ERBB4: variants seen among roughly 807,000 people sequenced by gnomAD.
ERBB4 encodes the protein receptor tyrosine-protein kinase erbB-4.
Under a neutral mutation model 158.0 loss-of-function variants are expected in ERBB4, and 42 were observed. The ratio of observed to expected loss-of-function variants is 0.27; its 90% CI spans 0.21 to 0.34. The LOEUF is 0.34. Among genes scored for constraint, ERBB4 ranks in the 10% least tolerant of loss-of-function variants. ERBB4 has a pLI of 1.00. For missense variants in ERBB4, 1,333 were observed against 1,624.1 expected (o/e 0.82, Z 3.08); for synonymous variants, 583 against 558.7 (o/e 1.04, Z -0.61).
rs576909919 is a variant in ERBB4, at chr2:212,405,365, G to C, written c.82+133084C>G. On this transcript the variant is annotated intron_variant, in intron 1 of 27. Coordinates refer to ENST00000342788, the MANE Select transcript of ERBB4 (RefSeq NM_005235.3). ...GGCCGGTGAGGTTGCAGAGAAAAGG[G>C]AACACTTATATACCGTTAGCAGGTG... is the stretch of plus-strand genomic sequence containing the variant. Among the ~76,000 whole-genome samples the C allele has an allele frequency of 5.3e-5, 8 of 152,152 alleles. No individual in the cohort carries two copies. The South Asian group carries it at 1.7e-3, about 32-fold the overall frequency.
intron 14 of ERBB4, among the ~76,000 whole-genome samples, chr2:211,666,571 C>T (rs1272904953): frequency 3.3e-5 from 5 of 152,112 alleles, no homozygotes; most frequent in South Asian, 2.1e-4. Context: ...ATGGGTATAT[C>T]GTCAGAGCAA....
At chr2:212,395,652 G>A (rs974037809) in intron 1 of ERBB4, among the ~76,000 whole-genome samples, 8 of 121,646 alleles carry the variant, frequency 6.6e-5, no homozygotes, top group South Asian at 2.6e-4. Context: ...ATGGAGTCTC[G>A]CTCTGTCACC....
intron 3 of ERBB4, among the ~76,000 whole-genome samples, chr2:211,861,107 A>T (rs866143116): frequency 4.7e-5 from 2 of 42,650 alleles, no homozygotes; most frequent in Non-Finnish European, 4.3e-5. Flanking sequence ...TACATTATAT[A>T]TATTTATATA....
chr2:211,941,468 T>A (rs2080494286), intron 3 of ERBB4, among the ~76,000 whole-genome samples: 1 of 152,098 alleles, frequency 6.6e-6, no homozygotes, highest in Admixed American at 6.6e-5. Flanking sequence ...AATGAATATG[T>A]CTCTTGTGTA....
intron 4 of ERBB4, among the ~76,000 whole-genome samples, chr2:211,772,972 T>C (rs1286627450): frequency 7.9e-6 from 1 of 126,536 alleles, no homozygotes; most frequent in African/African-American, 3.0e-5. Flanking sequence ...TTTTTAAAGA[T>C]GGGGTCCTAC....
Position 212,289,457 on chromosome 2 carries a change from C to G in ERBB4, c.83-164554G>C, listed in dbSNP as rs531014619. ...ATCCAGATTTTATAATTGCCTAAATCTCTTTATAGGTTATTTCTTGCAATA... is the reference window on the plus strand; with the variant it reads ...ATCCAGATTTTATAATTGCCTAAATGTCTTTATAGGTTATTTCTTGCAATA... On this transcript the variant is annotated intron_variant, in intron 1 of 27. Transcript: ENST00000342788. 7.9e-5 allele frequency among the ~76,000 whole-genome samples: 12 copies of G among 152,274 alleles called. No homozygotes were observed. The South Asian group carries it at 8.3e-4, about 11-fold the overall frequency.
At chr2:211,919,350 C>A (rs145612460) in intron 3 of ERBB4, among the ~76,000 whole-genome samples, 2 of 152,026 alleles carry the variant, frequency 1.3e-5, no homozygotes, top group Non-Finnish European at 2.9e-5. Context: ...AGGCTTTATA[C>A]ACTTTATACA....
chr2:212,131,402 C>G (rs1190942780), intron 1 of ERBB4, among the ~76,000 whole-genome samples: 1 of 152,254 alleles, frequency 6.6e-6, no homozygotes, highest in Non-Finnish European at 1.5e-5. Context: ...TTGTAAGAAT[C>G]TGTAGTCATC....
At position 211,465,245 on chromosome 2, in the gene ERBB4, G is replaced by A. The variant is rs2064650116; in HGVS notation, c.2488-34145C>T. On this transcript the variant is annotated intron_variant, in intron 20 of 27. Transcript: ENST00000342788. ...GTGGAGGATTCGCAGGTAGGTGAGAGGCTATCTTGAATATTTTGACCTCAG... is the reference window on the plus strand; with the variant it reads ...GTGGAGGATTCGCAGGTAGGTGAGAAGCTATCTTGAATATTTTGACCTCAG... Among the ~76,000 whole-genome samples the A allele has an allele frequency of 4.6e-5, 7 of 151,694 alleles. No individual in the cohort carries two copies. In the South Asian group the frequency reaches 1.4e-3, roughly 31 times the overall value.
chr2:212,036,180 G>A (rs181612706), intron 2 of ERBB4, among the ~76,000 whole-genome samples: 1 of 152,164 alleles, frequency 6.6e-6, no homozygotes, highest in Non-Finnish European at 1.5e-5. Context: ...ATATTGAGAA[G>A]ACAGTTAGCC....
intron 3 of ERBB4, among the ~76,000 whole-genome samples, chr2:211,915,878 T>A (rs1375925657): frequency 6.6e-6 from 1 of 151,938 alleles, no homozygotes; most frequent in African/African-American, 2.4e-5. Context: ...TGAAATCTTC[T>A]AAGTTCCAGG....
rs187387196 is a variant in ERBB4, at chr2:212,349,420, A to G, written c.82+189029T>C. 3.1e-3 allele frequency among the ~76,000 whole-genome samples: 467 copies of G among 152,220 alleles called. 4 individuals carry two copies. The highest frequency in any genetic ancestry group is 0.011 in the African/African-American group (448 of 41,566). On this transcript the variant is annotated intron_variant, in intron 1 of 27. Coordinates refer to ENST00000342788, the MANE Select transcript of ERBB4 (RefSeq NM_005235.3). ...ACACACTGGAAAGGTTTATTGAACA[A>G]CAGTTGTTCTAAAATGTATACAATT...
At chr2:212,267,597 C>CTTTTTTTTTTCT (rs761735343) in intron 1 of ERBB4, among the ~76,000 whole-genome samples, 1,206 of 47,552 alleles carry the variant, frequency 0.025, 20 homozygotes, top group African/African-American at 0.069. Flanking sequence ...GTTCTCATTT[C>CTTTTTTTTTTCT]TTTTTTTTTT....
rs1692758016 is a variant in ERBB4, at chr2:212,531,533, A to G, written c.82+6916T>C. On this transcript the variant is annotated intron_variant, in intron 1 of 27. Coordinates refer to ENST00000342788, the MANE Select transcript of ERBB4 (RefSeq NM_005235.3). ...CATTTCATGTCATATCTTAGGTCCA[A>G]GGACAGGCCTAGATGAATCTGAAGT... 2.0e-5 allele frequency among the ~76,000 whole-genome samples: 3 copies of G among 152,226 alleles called. No individual in the cohort carries two copies. In the South Asian group the frequency reaches 6.2e-4, roughly 32 times the overall value.
chr2:211,785,914 G>C (rs1233429861), intron 4 of ERBB4, among the ~76,000 whole-genome samples: 1 of 151,962 alleles, frequency 6.6e-6, no homozygotes, highest in Non-Finnish European at 1.5e-5. Flanking sequence ...TTTGTTTTGT[G>C]CTCATTTTTT....
chr2:212,047,329 T>A (rs992842450), intron 2 of ERBB4, among the ~76,000 whole-genome samples: 1 of 152,186 alleles, frequency 6.6e-6, no homozygotes, highest in Non-Finnish European at 1.5e-5. Context: ...CAATAGCTTA[T>A]CTAAATGGAT....
chr2:211,696,386 C>T (rs1307915270), intron 12 of ERBB4, among the ~76,000 whole-genome samples: 3 of 152,116 alleles, frequency 2.0e-5, no homozygotes, highest in Non-Finnish European at 4.4e-5. Context: ...GCTAGGATTA[C>T]AGGTTTTAGC....
intron 3 of ERBB4, among the ~76,000 whole-genome samples, chr2:211,870,483 T>C (rs543844977): frequency 2.8e-4 from 42 of 152,248 alleles, no homozygotes; most frequent in African/African-American, 9.4e-4. Context: ...TGCCCTTTAT[T>C]GAGATATCTA....
chr2:211,854,092 G>C (rs1195021538), intron 3 of ERBB4, among the ~76,000 whole-genome samples: 2 of 151,992 alleles, frequency 1.3e-5, no homozygotes, highest in Non-Finnish European at 2.9e-5. Context: ...TCAAATTGTT[G>C]CTTGAGAATA....
Sources: allele counts gnomAD v4.1 joint callset (sites outside exome capture counted in the v4.1 genomes callset), GRCh38; gene constraint gnomAD v4.1.1; transcripts MANE v1.5; gene names NCBI Gene and HGNC (gene_info 2026-07-23, HGNC 2026-07-21).